The following MAF variants were observed in gnomAD, a reference collection of about 807,000 sequenced individuals.
MAF encodes the protein MAF bZIP transcription factor, also known as transcription factor Maf.
Under a neutral mutation model 22.0 loss-of-function variants are expected in MAF, and 10 were observed. The observed-to-expected ratio is 0.45, with a 90% CI of 0.28 to 0.77. MAF has a LOEUF of 0.77. MAF is among the 30% of genes least tolerant of loss of function. The pLI is 0.12. For synonymous variants in MAF, 337 were observed against 255.8 expected, an observed-to-expected ratio of 1.32 and a Z score of -3.03; for missense variants, 544 against 548.4, an observed-to-expected ratio of 0.99 and a Z score of 0.08.
the MAF span, among the ~76,000 whole-genome samples, chr16:79,490,787 C>T: frequency 6.6e-6 from 1 of 152,146 alleles, no homozygotes; most frequent in Non-Finnish European, 1.5e-5. Flanking sequence ...GACCATAATG[C>T]AGTGAAGGTA....
At chr16:79,239,822 T>C in the MAF span, among the ~76,000 whole-genome samples, 1 of 152,014 alleles carries the variant, frequency 6.6e-6, no homozygotes, top group Non-Finnish European at 1.5e-5. Context: ...GATGATTCAA[T>C]GCCCAGCCAT....
chr16:79,230,273 AC>A, the MAF span, among the ~76,000 whole-genome samples: 1 of 152,056 alleles, frequency 6.6e-6, no homozygotes, highest in African/African-American at 2.4e-5. Flanking sequence ...CTGACCTTTC[AC>A]CCGGCTAAGG....
chr16:79,371,331 C>T, the MAF span, among the ~76,000 whole-genome samples: 2 of 152,122 alleles, frequency 1.3e-5, no homozygotes, highest in African/African-American at 4.8e-5. Flanking sequence ...ATCACCTCTG[C>T]CATATTGTAC....
chr16:79,311,004 G>A, the MAF span, among the ~76,000 whole-genome samples: 3 of 150,956 alleles, frequency 2.0e-5, no homozygotes, highest in African/African-American at 7.3e-5. Context: ...GGCTGCTGCT[G>A]CGGCTGCTTT....
the MAF span, among the ~76,000 whole-genome samples, chr16:79,434,945 A>T: frequency 6.6e-6 from 1 of 152,142 alleles, no homozygotes; most frequent in Non-Finnish European, 1.5e-5. Context: ...ACGATTTGTT[A>T]ATGGTCTGCG....
chr16:79,209,418 G>A, the MAF span, among the ~76,000 whole-genome samples: 3 of 152,148 alleles, frequency 2.0e-5, no homozygotes, highest in Non-Finnish European at 4.4e-5. Flanking sequence ...TTTCCCAAAC[G>A]GACTGCTTTG....
chr16:79,408,123 G>A, the MAF span, among the ~76,000 whole-genome samples: 1 of 151,026 alleles, frequency 6.6e-6, no homozygotes, highest in African/African-American at 2.4e-5. Context: ...GTGGAGGGAT[G>A]GTTAAAAGCA....
At chr16:79,275,041 G>T in the MAF span, among the ~76,000 whole-genome samples, 2 of 152,162 alleles carry the variant, frequency 1.3e-5, no homozygotes, top group African/African-American at 4.8e-5. Context: ...CAAAATAAAA[G>T]CCTTCCTCTC....
chr16:79,578,925 T>G, the MAF span, among the ~76,000 whole-genome samples: 2 of 152,130 alleles, frequency 1.3e-5, no homozygotes, highest in East Asian at 3.9e-4. Context: ...GTCCCCCTAG[T>G]AAAATTATTT....
chr16:79,504,713 G>A, the MAF span, among the ~76,000 whole-genome samples: 3 of 152,290 alleles, frequency 2.0e-5, no homozygotes, highest in Admixed American at 6.5e-5. Flanking sequence ...ATGAGTGGAT[G>A]ATGGATGGAT....
the MAF span, among the ~76,000 whole-genome samples, chr16:79,221,592 T>G: frequency 6.6e-6 from 1 of 152,350 alleles, no homozygotes; most frequent in Non-Finnish European, 1.5e-5. Context: ...CAGAGCTTCT[T>G]AATCCAGAAA....
chr16:79,539,042 G>C, the MAF span, among the ~76,000 whole-genome samples: 1 of 152,098 alleles, frequency 6.6e-6, no homozygotes, highest in Admixed American at 6.6e-5. Context: ...TTCAAGAGTA[G>C]ACAAAGATGA....
the MAF span, among the ~76,000 whole-genome samples, chr16:79,224,593 T>C: frequency 8.5e-5 from 13 of 152,208 alleles, 1 homozygote; most frequent in African/African-American, 2.4e-4. Flanking sequence ...GATGACATGA[T>C]TGCATATTTA....
chr16:79,292,387 G>C, the MAF span, among the ~76,000 whole-genome samples: 2 of 152,196 alleles, frequency 1.3e-5, no homozygotes, highest in African/African-American at 4.8e-5. Flanking sequence ...TTAGAGGCAA[G>C]GAAATTCTTT....
chr16:79,508,755 G>A, the MAF span, among the ~76,000 whole-genome samples: 1 of 152,164 alleles, frequency 6.6e-6, no homozygotes, highest in Non-Finnish European at 1.5e-5. Context: ...ATTGAAAGAA[G>A]ACACACCAGA....
chr16:79,454,517 C>T, the MAF span, among the ~76,000 whole-genome samples: 1 of 152,232 alleles, frequency 6.6e-6, no homozygotes, highest in East Asian at 1.9e-4. Flanking sequence ...GAAGAACTGC[C>T]AGTATACTCA....
chr16:79,541,422 C>A, the MAF span, among the ~76,000 whole-genome samples: 10 of 151,894 alleles, frequency 6.6e-5, no homozygotes, highest in Admixed American at 5.9e-4. Flanking sequence ...AAGGAGCCTG[C>A]GTCAGTCCCT....
the MAF span, among the ~76,000 whole-genome samples, chr16:79,464,929 C>G: frequency 6.6e-6 from 1 of 152,130 alleles, no homozygotes; most frequent in Non-Finnish European, 1.5e-5. Context: ...GGAGATGATA[C>G]AGAAATGACC....
chr16:79,244,849 G>T, the MAF span, among the ~76,000 whole-genome samples: 1 of 151,994 alleles, frequency 6.6e-6, no homozygotes, highest in Admixed American at 6.6e-5. Context: ...AAACAGCCTG[G>T]TACTGGTACC....
Sources: gnomAD v4.1 joint callset for allele counts (sites outside exome capture counted in the v4.1 genomes callset) on GRCh38, gnomAD v4.1.1 for gene constraint, MANE v1.5 for transcripts, NCBI Gene and HGNC (gene_info 2026-07-23, HGNC 2026-07-21) for gene names.